Variants in CCSAP observed in about 807,000 individuals in gnomAD.
CCSAP encodes centriole, cilia and spindle associated protein, also known as centriole, cilia and spindle-associated protein.
A neutral mutation model predicts 25.9 loss-of-function variants in CCSAP; 17 were observed. The ratio of observed to expected loss-of-function variants is 0.66; its 90% CI spans 0.45 to 0.99. The LOEUF is 0.99. Ranked by LOEUF, CCSAP falls within the 50% of genes least tolerant of loss-of-function variation. The probability of loss-of-function intolerance (pLI) is 0.00; values close to 1 mark genes in which losing one functional copy is unlikely to be tolerated. For synonymous variants in CCSAP, 169 were observed against 157.1 expected, an observed-to-expected ratio of 1.08 and a Z score of -0.57; for missense variants, 339 against 367.8, an observed-to-expected ratio of 0.92 and a Z score of 0.64.
At chr1:229,326,669 G>A (rs577970786) in intron 3 of CCSAP, 69 bp downstream of exon 3, 37 of 1,575,916 alleles carry the variant, frequency 2.3e-5, no homozygotes, top group South Asian at 2.1e-4. Flanking sequence ...CACGATGCCC[G>A]ATGACAGGCG....
chr1:229,337,261 AAAC>A (rs574974563), intron 2 of CCSAP, among the ~76,000 whole-genome samples: 194 of 149,616 alleles, frequency 1.3e-3, no homozygotes, highest in South Asian at 0.011. Context: ...GTTTCCAACA[AAAC>A]AACAAAAACA....
rs1312903307 is a variant in CCSAP at position 229,324,208 on chromosome 1, A to G, written c.*1027T>C. ...CAAGACTTTGTTATTGTTAAGTGCT[A>G]TAAAGAAAAAGAGAAAGTAGGGGTG... On this transcript the variant is annotated 3_prime_UTR_variant, in exon 4 of 4. Transcript: ENST00000284617. The G allele has an allele frequency of 6.6e-6, 1 of 152,624 alleles. No homozygotes were observed. The highest frequency in any genetic ancestry group is 1.5e-5 in the Non-Finnish European group (1 of 68,032). 9.5% of individuals were successfully genotyped at this position (152,624 alleles called of 1,614,324 possible).
At chr1:229,327,153 C>G (rs1657960453) in intron 2 of CCSAP, 147 bp from the exon 3 acceptor site, 1 of 634,966 alleles carries the variant, frequency 1.6e-6, no homozygotes, top group South Asian at 2.8e-5. Context: ...AGTAGAAATA[C>G]AGGAACAAGT....
At chr1:229,330,617 C>T (rs763571414) in intron 2 of CCSAP, among the ~76,000 whole-genome samples, 4 of 151,906 alleles carry the variant, frequency 2.6e-5, no homozygotes, top group Non-Finnish European at 4.4e-5. Context: ...CCGAGGCGGG[C>T]GGATCACGAG....
At position 229,324,297 on chromosome 1, in the gene CCSAP, G is replaced by A. The variant is rs906875490; in HGVS notation, c.*938C>T. 1 of 152,344 alleles carries A rather than the reference G, an allele frequency of 6.6e-6. No homozygotes were observed. The highest frequency in any genetic ancestry group is 2.4e-5 in the African/African-American group (1 of 41,414). The allele number at this position is 152,344 out of a possible 1,614,324, so 9.4% of individuals were successfully genotyped here. A position where few individuals can be genotyped will look rare whatever the true frequency, so the allele number is the denominator to read the frequency against. ...TCCCAGTGGAACAAGCAATGCCAAT[G>A]TACCAAGTGCAATTCCAGATTGTAA... is the stretch of plus-strand genomic sequence containing the variant. On this transcript the variant is annotated 3_prime_UTR_variant, in exon 4 of 4. Coordinates refer to ENST00000284617, the MANE Select transcript of CCSAP (RefSeq NM_145257.5).
intron 2 of CCSAP, among the ~76,000 whole-genome samples, chr1:229,335,362 C>G (rs1248160581): frequency 6.6e-6 from 1 of 152,024 alleles, no homozygotes; most frequent in Non-Finnish European, 1.5e-5. Flanking sequence ...GAGGTGCCAG[C>G]TTCGTCAGAA....
intron 2 of CCSAP, among the ~76,000 whole-genome samples, chr1:229,332,416 T>C (rs577121477): frequency 4.9e-4 from 74 of 152,310 alleles, no homozygotes; most frequent in African/African-American, 1.7e-3. Context: ...GCCCCACATA[T>C]TTTGGGGCTA....
Position 229,338,538 on chromosome 1 carries a change from A to AACACACACACAC in CCSAP, c.367+3549_367+3560dup, listed in dbSNP as rs55718200. Among the ~76,000 whole-genome samples, 439 of 141,890 alleles carry AACACACACACAC rather than the reference A, an allele frequency of 3.1e-3. 4 individuals are homozygous for AACACACACACAC. The highest frequency in any genetic ancestry group is 0.011 in the African/African-American group (414 of 38,094). 93.1% of individuals were successfully genotyped at this position (141,890 alleles called of 152,430 possible). A position where few individuals can be genotyped will look rare whatever the true frequency, so the allele number is the denominator to read the frequency against. ...ACAAGCACTTCCACCCCCAAACCCC[A>AACACACACACAC]ACACACACACACACACACACACACA... On this transcript the variant is annotated intron_variant, in intron 2 of 3. Coordinates refer to ENST00000284617, the MANE Select transcript of CCSAP (RefSeq NM_145257.5).
rs1055198390 is a variant in CCSAP at position 229,342,527 on chromosome 1, T to C, written c.-48-14A>G. 30 of 1,159,254 alleles carry C rather than the reference T, an allele frequency of 2.6e-5. 1 individual carries two copies. In the South Asian group the frequency reaches 7.2e-4, roughly 28 times the overall value. 71.8% of individuals were successfully genotyped at this position (1,159,254 alleles called of 1,614,324 possible). A position where few individuals can be genotyped will look rare whatever the true frequency, so the allele number is the denominator to read the frequency against. ...GCTGCCCGCAGCCTACGGGACCCGGTACACGACACAGAGGCCGCCCCGCCC... is the reference window on the plus strand; with the variant it reads ...GCTGCCCGCAGCCTACGGGACCCGGCACACGACACAGAGGCCGCCCCGCCC... On this transcript the variant is annotated splice_polypyrimidine_tract_variant and intron_variant, in intron 1 of 3. Transcript: ENST00000284617. The surrounding 1 kb of genome is among the most constrained non-coding windows in gnomAD (Gnocchi z 7.5).
In CCSAP at chr1:229,321,195, C is replaced by T. The variant is rs1558246916; in HGVS notation, c.*4040G>A. On this transcript the variant is annotated 3_prime_UTR_variant, in exon 4 of 4. Transcript: ENST00000284617. Reference sequence around the variant, plus strand: ...AAGTGAATGCAGTGCTCAAAACAAACTTACGATAGCACAGGGAAACCTTCC... The same window carrying T: ...AAGTGAATGCAGTGCTCAAAACAAATTTACGATAGCACAGGGAAACCTTCC... 6.6e-6 allele frequency: 1 copy of T among 152,200 alleles called. No individual in the cohort carries two copies. Among genetic ancestry groups the T allele is most frequent in the East Asian group, 1.9e-4 (1 of 5,198 alleles). The allele number at this position is 152,200 out of a possible 1,614,324, so 9.4% of individuals were successfully genotyped here.
chr1:229,337,706 C>CATATATATATATATATAT (rs397733324), intron 2 of CCSAP, among the ~76,000 whole-genome samples: 14 of 88,610 alleles, frequency 1.6e-4, no homozygotes, highest in South Asian at 6.4e-4. Flanking sequence ...TATACACATA[C>CATATATATATATATATAT]ATATATATAT....
chr1:229,334,752 G>C (rs1658157890), intron 2 of CCSAP, among the ~76,000 whole-genome samples: 1 of 152,124 alleles, frequency 6.6e-6, no homozygotes, highest in African/African-American at 2.4e-5. Context: ...GGAGGGTTCA[G>C]GTTAAATATG....
chr1:229,323,882 G>A lies in CCSAP; in HGVS notation c.*1353C>T, dbSNP rs1038725003. ...CTCACGTCCACTCACACATCTTCGG[G>A]TGCCAAGCTGGCATAGGCAGAGCAC... On this transcript the variant is annotated 3_prime_UTR_variant, in exon 4 of 4. Transcript: ENST00000284617. 1.3e-5 allele frequency: 2 copies of A among 152,154 alleles called. No individual in the cohort carries two copies. The highest frequency in any genetic ancestry group is 2.9e-5 in the Non-Finnish European group (2 of 68,048). 9.4% of individuals were successfully genotyped at this position (152,154 alleles called of 1,614,324 possible). A position where few individuals can be genotyped will look rare whatever the true frequency, so the allele number is the denominator to read the frequency against.
At chr1:229,333,196 G>A (rs1348449653) in intron 2 of CCSAP, among the ~76,000 whole-genome samples, 1 of 152,238 alleles carries the variant, frequency 6.6e-6, no homozygotes, top group East Asian at 1.9e-4. Flanking sequence ...ACTTTGGGAG[G>A]CCAAGGCGGG....
intron 3 of CCSAP, among the ~76,000 whole-genome samples, chr1:229,326,020 GT>G (rs1657932768): frequency 6.6e-6 from 1 of 152,206 alleles, no homozygotes; most frequent in Non-Finnish European, 1.5e-5. Context: ...AACTCAAGCA[GT>G]TTGCAGTTTC....
intron 3 of CCSAP, 100 bp from the exon 4 acceptor site, chr1:229,325,511 G>T: frequency 9.3e-7 from 1 of 1,075,500 alleles, no homozygotes. Flanking sequence ...GTCAACTGCA[G>T]CAGGGCAGAG....
chr1:229,327,890 G>C lies in CCSAP; in HGVS notation c.368-884C>G, dbSNP rs576533241. 1.3e-4 allele frequency among the ~76,000 whole-genome samples: 20 copies of C among 148,314 alleles called. No individual in the cohort carries two copies. The East Asian group carries it at 3.7e-3, about 28-fold the overall frequency. ...CTCAAAAAAAAAAAAAAAAAAAAGAGGGCCCCAGTTTTAAGGGGCTTCCCC... is the reference window on the plus strand; with the variant it reads ...CTCAAAAAAAAAAAAAAAAAAAAGACGGCCCCAGTTTTAAGGGGCTTCCCC... On this transcript the variant is annotated intron_variant, in intron 2 of 3. Coordinates refer to ENST00000284617, the MANE Select transcript of CCSAP (RefSeq NM_145257.5).
intron 2 of CCSAP, among the ~76,000 whole-genome samples, chr1:229,341,060 G>C (rs1658319583): frequency 6.6e-6 from 1 of 152,136 alleles, no homozygotes. Flanking sequence ...CGGGCGTGGT[G>C]GCGCGTGCCT....
intron 2 of CCSAP, 110 bp from the exon 3 acceptor site, chr1:229,327,116 A>G (rs1239971369): frequency 4.5e-6 from 4 of 886,966 alleles, no homozygotes; most frequent in Non-Finnish European, 3.3e-6. Context: ...ATTTTCACTT[A>G]TGGCTCAACT....
Sources: allele counts gnomAD v4.1 joint callset (sites outside exome capture counted in the v4.1 genomes callset), GRCh38; gene constraint gnomAD v4.1.1; non-coding constraint Gnocchi (gnomAD v3.1); transcripts MANE v1.5; gene names NCBI Gene and HGNC (gene_info 2026-07-23, HGNC 2026-07-21).